Variants in POLR1D observed in about 807,000 individuals in gnomAD.
POLR1D encodes DNA-directed RNA polymerases I and III subunit RPAC2.
Under a neutral mutation model 10.8 loss-of-function variants are expected in POLR1D, and 8 were observed. The observed-to-expected ratio is 0.74, with a 90% CI of 0.43 to 1.33. POLR1D has a LOEUF of 1.33. Ranked by LOEUF, POLR1D falls within the 40% of genes most tolerant of loss-of-function variation. POLR1D has a pLI of 0.01. For missense variants in POLR1D, 152 were observed against 161.7 expected, an observed-to-expected ratio of 0.94 and a Z score of 0.32; for synonymous variants, 54 against 57.2, an observed-to-expected ratio of 0.94 and a Z score of 0.25.
chr13:27,637,041 A>G (rs1045782232), intron 1 of POLR1D, among the ~76,000 whole-genome samples: 6 of 152,360 alleles, frequency 3.9e-5, no homozygotes, highest in South Asian at 4.1e-4. Flanking sequence ...ATCATCACAT[A>G]TAATTTATAA....
chr13:27,659,076 T>C (rs1956333630), intron 2 of POLR1D, among the ~76,000 whole-genome samples: 1 of 152,202 alleles, frequency 6.6e-6, no homozygotes, highest in African/African-American at 2.4e-5. Context: ...TCTAGAGATA[T>C]GGAAGGAAGT....
downstream of POLR1D, among the ~76,000 whole-genome samples, chr13:27,625,068 A>G (rs2138522544): frequency 6.6e-6 from 1 of 152,302 alleles, no homozygotes; most frequent in East Asian, 1.9e-4. Context: ...CTGGGGGTAT[A>G]GCATGTGCAA....
downstream of POLR1D, among the ~76,000 whole-genome samples, chr13:27,627,727 G>GTTTTTTTTTT (rs57621806): frequency 1.1e-3 from 104 of 95,382 alleles, no homozygotes; most frequent in Non-Finnish European, 1.8e-3. Context: ...TAAAGTTTTA[G>GTTTTTTTTTT]TTTTTTTTTT....
At chr13:27,648,291 C>A in intron 1 of POLR1D, 1 of 928,582 alleles carries the variant, frequency 1.1e-6, no homozygotes, top group African/African-American at 1.6e-5. Context: ...AAGTTAGTTC[C>A]TTTCCCAAGA....
chr13:27,648,252 A>G (rs1210897636), intron 1 of POLR1D: 1 of 644,940 alleles, frequency 1.6e-6, no homozygotes, highest in Non-Finnish European at 2.8e-6. Context: ...CCATTTAAAA[A>G]AAAATTTGCC....
At chr13:27,646,158 GTT>G (rs1242684131) in intron 1 of POLR1D, 1 of 152,114 alleles carries the variant, frequency 6.6e-6, no homozygotes, top group Non-Finnish European at 1.5e-5. Flanking sequence ...CCAAAAAGTT[GTT>G]TTCCTGATTA....
chr13:27,620,833 T>A (rs1283805053), upstream of POLR1D: 1 of 152,836 alleles, frequency 6.5e-6, no homozygotes, highest in African/African-American at 2.4e-5. Flanking sequence ...TGGCTAGGTG[T>A]CTGCGCGCAC....
downstream of POLR1D, among the ~76,000 whole-genome samples, chr13:27,625,287 A>C (rs61944080): frequency 0.069 from 10,494 of 152,182 alleles, 454 homozygotes; most frequent in Middle Eastern, 0.099. Context: ...GATGAATTAT[A>C]GGGAGGCTGG....
chr13:27,639,748 C>T (rs921884324), intron 1 of POLR1D, among the ~76,000 whole-genome samples: 9 of 152,154 alleles, frequency 5.9e-5, no homozygotes, highest in African/African-American at 1.7e-4. Flanking sequence ...CTCTCAGAGG[C>T]CATCTATAAA....
intron 1 of POLR1D, among the ~76,000 whole-genome samples, chr13:27,638,457 TGAAAACAC>T (rs1956146281): frequency 6.6e-6 from 1 of 152,208 alleles, no homozygotes; most frequent in Non-Finnish European, 1.5e-5. Flanking sequence ...TATTTTTAAA[TGAAAACAC>T]TTTTTAAAGA....
intron 1 of POLR1D, among the ~76,000 whole-genome samples, chr13:27,638,251 A>G (rs1333468327): frequency 1.3e-5 from 2 of 152,174 alleles, no homozygotes; most frequent in African/African-American, 4.8e-5. Context: ...CGGTCACAGG[A>G]CTGTCACTGA....
At chr13:27,644,250 T>C (rs1031560038) in intron 1 of POLR1D, among the ~76,000 whole-genome samples, 2 of 152,226 alleles carry the variant, frequency 1.3e-5, no homozygotes, top group Non-Finnish European at 2.9e-5. Context: ...TCAGTTGCCT[T>C]CAATTTCTTG....
chr13:27,623,382 C>A lies in POLR1D; in HGVS notation c.*132C>A. The A allele has an allele frequency of 6.6e-7, 1 of 1,510,288 alleles. No individual in the cohort carries two copies. The highest frequency in any genetic ancestry group is 8.8e-7 in the Non-Finnish European group (1 of 1,130,644). The allele number at this position is 1,510,288 out of a possible 1,614,324, so 93.6% of individuals were successfully genotyped here. ...AAAGGCGTGATTCTAGCTGTTGACC[C>A]CTTGCAGCTGTTGGAATCTCTGCAA... On this transcript the variant is annotated 3_prime_UTR_variant, in exon 2 of 2. Coordinates refer to ENST00000302979, the MANE Select transcript of POLR1D (RefSeq NM_015972.4).
At chr13:27,641,894 T>C (rs1169094952) in intron 1 of POLR1D, among the ~76,000 whole-genome samples, 3 of 152,050 alleles carry the variant, frequency 2.0e-5, no homozygotes, top group Non-Finnish European at 4.4e-5. Context: ...TTGGTGGGAG[T>C]GTCTAAGCCA....
At chr13:27,626,602 T>C (rs1170143896), downstream of POLR1D, among the ~76,000 whole-genome samples, 1 of 152,220 alleles carries the variant, frequency 6.6e-6, no homozygotes, top group Non-Finnish European at 1.5e-5. Context: ...ATCTTATACA[T>C]CCTGTGAAAA....
At chr13:27,629,944 C>T (rs1273533566) in intron 1 of POLR1D, among the ~76,000 whole-genome samples, 1 of 152,142 alleles carries the variant, frequency 6.6e-6, no homozygotes, top group Admixed American at 6.5e-5. Context: ...TGGAGTCTCA[C>T]TCTGTTGCCC....
chr13:27,622,019 G>A lies in POLR1D; in HGVS notation c.26+10G>A, dbSNP rs1955937928. 4 of 1,584,926 alleles carry A rather than the reference G, an allele frequency of 2.5e-6. No homozygotes were observed. Among genetic ancestry groups the A allele is most frequent in the Non-Finnish European group, 2.6e-6 (3 of 1,165,810 alleles). On this transcript the variant is annotated intron_variant, in intron 1 of 1. Coordinates refer to ENST00000302979, the MANE Select transcript of POLR1D (RefSeq NM_015972.4). Reference sequence around the variant, plus strand: ...ATCAGGAGCTGGAGAGGTAACGGCCGAGGAGGAGGCGGGCGGAGCGGGCCG... The same window carrying A: ...ATCAGGAGCTGGAGAGGTAACGGCCAAGGAGGAGGCGGGCGGAGCGGGCCG...
At chr13:27,627,349 A>G (rs1043462333), downstream of POLR1D, among the ~76,000 whole-genome samples, 3 of 151,314 alleles carry the variant, frequency 2.0e-5, no homozygotes, top group African/African-American at 4.9e-5. Flanking sequence ...TTATTTAACT[A>G]TACAGTAAGT....
At chr13:27,655,417 C>T (rs1190295813) in intron 2 of POLR1D, among the ~76,000 whole-genome samples, 1 of 152,154 alleles carries the variant, frequency 6.6e-6, no homozygotes, top group African/African-American at 2.4e-5. Flanking sequence ...TTCATATCAT[C>T]ATCTAACATC....
Sources: gnomAD v4.1 joint callset for allele counts (sites outside exome capture counted in the v4.1 genomes callset) on GRCh38, gnomAD v4.1.1 for gene constraint, MANE v1.5 for transcripts, NCBI Gene and HGNC (gene_info 2026-07-23, HGNC 2026-07-21) for gene names.